KNTC1: variants seen among roughly 807,000 people sequenced by gnomAD.
KNTC1 encodes the protein kinetochore associated 1, also known as kinetochore-associated protein 1.
Under a neutral mutation model 314.4 loss-of-function variants are expected in KNTC1, and 253 were observed. That is an observed-to-expected ratio of 0.80 (90% CI 0.73 to 0.89). The LOEUF is 0.89. Ranked by LOEUF, KNTC1 falls within the 40% of genes least tolerant of loss-of-function variation. The probability of loss-of-function intolerance (pLI) is 0.00; values close to 1 mark genes in which losing one functional copy is unlikely to be tolerated. For synonymous variants in KNTC1, 901 were observed against 901.4 expected, an observed-to-expected ratio of 1.00 and a Z score of 0.01; for missense variants, 2,475 against 2,572.9, an observed-to-expected ratio of 0.96 and a Z score of 0.82.
chr12:122,608,103 T>A (rs1220636118), intron 51 of KNTC1, among the ~76,000 whole-genome samples: 4 of 152,140 alleles, frequency 2.6e-5, no homozygotes, highest in Non-Finnish European at 4.4e-5. Context: ...TAGTGTAATA[T>A]GACATTAGGG....
Position 122,605,050 on chromosome 12 carries a change from T to C in KNTC1, c.5349T>C (p.Asn1783=). 6.2e-7 allele frequency: 1 copy of C among 1,612,546 alleles called. No individual in the cohort carries two copies. The highest frequency in any genetic ancestry group is 8.5e-7 in the Non-Finnish European group (1 of 1,179,376). Reference sequence around the variant, plus strand: ...GTCTCTACGAACATCCTAGCATCAATCAAAGAATTCAGAATTCATCTGGCA... The same window carrying C: ...GTCTCTACGAACATCCTAGCATCAACCAAAGAATTCAGAATTCATCTGGCA... ...IVSLYEHPSI[N]QRIQNSSGTD... The change falls in exon 50 of 64, where the codon AAT becomes AAC. Residue 1783 remains asparagine, a synonymous_variant. Transcript: ENST00000333479.
At chr12:122,565,645 G>C (rs919817876) in intron 20 of KNTC1, among the ~76,000 whole-genome samples, 3 of 151,944 alleles carry the variant, frequency 2.0e-5, no homozygotes, top group Non-Finnish European at 4.4e-5. Context: ...CAAGCACTTT[G>C]GGAGGCTGAG....
At position 122,539,665 on chromosome 12, in the gene KNTC1, T is replaced by C; in HGVS notation, c.367-11T>C. On this transcript the variant is annotated splice_polypyrimidine_tract_variant and intron_variant, in intron 4 of 63. Coordinates refer to ENST00000333479, the MANE Select transcript of KNTC1 (RefSeq NM_014708.6). ...GTTTAATTTTATTATTTGAAATTAA[T>C]TTGCATTTAGGCATTTGTTCAGAAA... The C allele has an allele frequency of 1.3e-6, 2 of 1,514,822 alleles. No homozygotes were observed. Among genetic ancestry groups the C allele is most frequent in the South Asian group, 1.3e-5 (1 of 78,364 alleles). 93.8% of individuals were successfully genotyped at this position (1,514,822 alleles called of 1,614,324 possible).
At chr12:122,550,700 A>C (rs1963137801) in intron 13 of KNTC1, among the ~76,000 whole-genome samples, 2 of 152,236 alleles carry the variant, frequency 1.3e-5, no homozygotes, top group African/African-American at 4.8e-5. Context: ...AGGTGGTCTC[A>C]CTATGTTTCC....
Position 122,590,755 on chromosome 12 carries a change from A to T in KNTC1, c.4128+20A>T. 6.2e-7 allele frequency: 1 copy of T among 1,603,292 alleles called. No individual in the cohort carries two copies. Among genetic ancestry groups the T allele is most frequent in the Non-Finnish European group, 8.5e-7 (1 of 1,174,270 alleles). The stretch of plus-strand genomic sequence containing the variant: ...ATCTTGGTATGTCCTAAGGAAGCAC[A>T]CCTTCAATTCTTGAAGTATTCAAGA... On this transcript the variant is annotated intron_variant, in intron 41 of 63. Transcript: ENST00000333479.
intron 42 of KNTC1, chr12:122,592,763 A>G (rs897517923): frequency 2.1e-4 from 32 of 152,238 alleles, no homozygotes; most frequent in African/African-American, 7.7e-4. Context: ...AATCAGCAGG[A>G]TGTGGGTGGG....
At position 122,606,689 on chromosome 12, in the gene KNTC1, TAAA is replaced by T. The variant is rs1302739473; in HGVS notation, c.5496+1279_5496+1281del. On this transcript the variant is annotated intron_variant, in intron 51 of 63. Transcript: ENST00000333479. ...AATGTACACAAAAATGCAAAAATAG[TAAA>T]AAAAGAATTCCTATATACACCTTTC... Among the ~76,000 whole-genome samples the T allele has an allele frequency of 3.3e-5, 5 of 152,090 alleles. No homozygotes were observed. The South Asian group carries it at 8.3e-4, about 25-fold the overall frequency.
chr12:122,626,338 C>A lies in KNTC1; in HGVS notation c.*110C>A, dbSNP rs184441622. On this transcript the variant is annotated 3_prime_UTR_variant, in exon 64 of 64. Transcript: ENST00000333479. Reference sequence around the variant, plus strand: ...CAATCTCTGTATTATAGCTATTTGTCTAACATTACCCCACATGTAATAAAT... The same window carrying A: ...CAATCTCTGTATTATAGCTATTTGTATAACATTACCCCACATGTAATAAAT... The A allele has an allele frequency of 4.1e-3, 3,025 of 734,094 alleles. 17 individuals carry two copies. Among genetic ancestry groups the A allele is most frequent in the Non-Finnish European group, 5.4e-3 (2,284 of 426,734 alleles). 45.5% of individuals were successfully genotyped at this position (734,094 alleles called of 1,614,324 possible).
At chr12:122,620,927 G>A (rs973086654) in intron 60 of KNTC1, among the ~76,000 whole-genome samples, 2 of 152,248 alleles carry the variant, frequency 1.3e-5, no homozygotes, top group African/African-American at 4.8e-5. Flanking sequence ...GGCTTGGACA[G>A]AGGAGAGGAC....
chr12:122,531,984 C>G (rs1308369675), intron 2 of KNTC1, among the ~76,000 whole-genome samples: 2 of 150,684 alleles, frequency 1.3e-5, no homozygotes, highest in African/African-American at 4.9e-5. Flanking sequence ...CCGCCCGGCT[C>G]GGCCTCCCAA....
In KNTC1 at chr12:122,604,739, G is replaced by A. The variant is rs1011704811; in HGVS notation, c.5175+102G>A. 18 of 1,217,546 alleles carry A rather than the reference G, an allele frequency of 1.5e-5. No individual in the cohort carries two copies. In the Admixed American group the frequency reaches 3.3e-4, roughly 22 times the overall value. 75.4% of individuals were successfully genotyped at this position (1,217,546 alleles called of 1,614,324 possible). A position where few individuals can be genotyped will look rare whatever the true frequency, so the allele number is the denominator to read the frequency against. On this transcript the variant is annotated intron_variant, in intron 49 of 63. Coordinates refer to ENST00000333479, the MANE Select transcript of KNTC1 (RefSeq NM_014708.6). ...TGCCCTGGTGCCTAAAATGGAGAAG[G>A]AAGACCAAGGCTTTATGTAGATGCT...
intron 43 of KNTC1, among the ~76,000 whole-genome samples, chr12:122,595,123 G>T (rs148880360): frequency 0.076 from 11,536 of 152,218 alleles, 566 homozygotes; most frequent in Middle Eastern, 0.13. Context: ...TGATTCACCC[G>T]CCTCGGCCTC....
chr12:122,564,013 T>A (rs1381835650), intron 20 of KNTC1, among the ~76,000 whole-genome samples: 1 of 152,248 alleles, frequency 6.6e-6, no homozygotes, highest in Non-Finnish European at 1.5e-5. Context: ...AGTCTCGCTC[T>A]ATTGCCAAGG....
At chr12:122,585,342 C>T (rs1869105561) in intron 36 of KNTC1, among the ~76,000 whole-genome samples, 1 of 152,000 alleles carries the variant, frequency 6.6e-6, no homozygotes, top group African/African-American at 2.4e-5. Flanking sequence ...GCACCTGGGC[C>T]GTTTTTTAAT....
chr12:122,547,869 G>C (rs1227085435), intron 11 of KNTC1, 46 bp from the exon 12 acceptor site: 2 of 1,116,326 alleles, frequency 1.8e-6, no homozygotes, highest in South Asian at 3.1e-5. Flanking sequence ...TGTTTTTGTT[G>C]TGTAAAAGTT....
chr12:122,613,855 G>C (rs1165042901), intron 55 of KNTC1, 94 bp downstream of exon 55: 8 of 1,321,942 alleles, frequency 6.1e-6, no homozygotes, highest in Non-Finnish European at 5.0e-6. Context: ...TGTTGTTGTT[G>C]TTGGGGACAG....
intron 52 of KNTC1, among the ~76,000 whole-genome samples, chr12:122,609,746 T>C (rs534915626): frequency 6.6e-6 from 1 of 152,220 alleles, no homozygotes; most frequent in South Asian, 2.1e-4. Context: ...TATGTTCTCT[T>C]ACCATGCTAA....
In KNTC1 at chr12:122,571,033, GC is replaced by G; in HGVS notation, c.1928del (p.Pro643GlnfsTer31). 2.5e-6 allele frequency: 4 copies of G among 1,612,882 alleles called. No individual in the cohort carries two copies. The highest frequency in any genetic ancestry group is 3.4e-6 in the Non-Finnish European group (4 of 1,179,168). On this transcript the variant is annotated frameshift_variant, in exon 24 of 64. Transcript: ENST00000333479. LOFTEE classifies it high-confidence loss of function. ...NLELTDKANW[P>X]ENGLQLAEIF... ...TGTAATCTTTTTTAAAGGCAAATTGGCCAGAAAATGGACTTCAATTGGCAGA... is the reference window on the plus strand; with the variant it reads ...TGTAATCTTTTTTAAAGGCAAATTGGCAGAAAATGGACTTCAATTGGCAGA...
chr12:122,559,920 T>A (rs1435280218), intron 18 of KNTC1, among the ~76,000 whole-genome samples: 1 of 152,174 alleles, frequency 6.6e-6, no homozygotes, highest in Non-Finnish European at 1.5e-5. Flanking sequence ...ACATTCATAA[T>A]CACATTCGGC....
Sources: gnomAD v4.1 joint callset for allele counts (sites outside exome capture counted in the v4.1 genomes callset) on GRCh38, gnomAD v4.1.1 for gene constraint, MANE v1.5 for transcripts, NCBI Gene and HGNC (gene_info 2026-07-23, HGNC 2026-07-21) for gene names.